Variants in SIPA1L1 observed in about 807,000 individuals in gnomAD.
SIPA1L1 encodes signal induced proliferation associated 1 like 1.
Under a neutral mutation model 162.7 loss-of-function variants are expected in SIPA1L1, and 26 were observed. The observed-to-expected ratio is 0.16, with a 90% confidence interval of 0.12 to 0.22. The LOEUF (loss-of-function observed/expected upper bound fraction) is 0.22, where lower values mean the gene tolerates loss of function less well. SIPA1L1 is among the 10% of genes least tolerant of loss of function. The probability of loss-of-function intolerance (pLI) is 1.00; values close to 1 mark genes in which losing one functional copy is unlikely to be tolerated. For synonymous variants in SIPA1L1, 829 were observed against 837.4 expected (o/e 0.99, Z 0.17); for missense variants, 1,874 against 2,241.0 (o/e 0.84, Z 3.31).
At chr14:71,415,142 A>G (rs1057470690) in intron 2 of SIPA1L1, among the ~76,000 whole-genome samples, 1 of 152,202 alleles carries the variant, frequency 6.6e-6, no homozygotes, top group Admixed American at 6.5e-5. Flanking sequence ...TGGTCAAGTT[A>G]TCTGACCATC....
intron 7 of SIPA1L1, among the ~76,000 whole-genome samples, chr14:71,636,031 T>A (rs1347293506): frequency 6.6e-6 from 1 of 151,502 alleles, no homozygotes; most frequent in Non-Finnish European, 1.5e-5. Flanking sequence ...TAGGTATATG[T>A]GCATCAAACA....
chr14:71,544,020 T>TACGCACATGTATGTATATACACACGC (rs1567179754), intron 4 of SIPA1L1, among the ~76,000 whole-genome samples: 107 of 145,052 alleles, frequency 7.4e-4, no homozygotes, highest in African/African-American at 2.6e-3. Flanking sequence ...TATATACACA[T>TACGCACATGTATGTATATACACACGC]ACGCACATGT....
intron 2 of SIPA1L1, among the ~76,000 whole-genome samples, chr14:71,491,519 G>GTTT (rs961990061): frequency 6.7e-4 from 91 of 135,584 alleles, no homozygotes; most frequent in Non-Finnish European, 1.3e-3. Flanking sequence ...GGAGCAACCT[G>GTTT]TTTGTTGTTG....
chr14:71,370,208 G>C (rs899801134), intron 2 of SIPA1L1, among the ~76,000 whole-genome samples: 2 of 149,290 alleles, frequency 1.3e-5, no homozygotes, highest in South Asian at 2.2e-4. Flanking sequence ...TGTTGAATAG[G>C]AGTGGTGAGA....
chr14:71,601,002 A>C (rs78002345), intron 5 of SIPA1L1, among the ~76,000 whole-genome samples: 3 of 152,028 alleles, frequency 2.0e-5, no homozygotes, highest in African/African-American at 4.8e-5. Flanking sequence ...TTTTTGGTGC[A>C]GACTTAAGTT....
chr14:71,587,853 A>G lies in SIPA1L1; in HGVS notation c.-20A>G. The G allele has an allele frequency of 1.3e-6, 2 of 1,589,298 alleles. No individual in the cohort carries two copies. Among genetic ancestry groups the G allele is most frequent in the African/African-American group, 1.3e-5 (1 of 74,424 alleles). ...TGATGGTCCTTGCTGCAGGGATTTA[A>G]GTCTACTTGCTTTTACATCATGACC... On this transcript the variant is annotated 5_prime_UTR_variant, in exon 5 of 24. It removes the in-frame stop codon of an upstream open reading frame in the 5' UTR. Transcript: ENST00000381232.
At chr14:71,323,641 T>C (rs569793389) in intron 2 of SIPA1L1, among the ~76,000 whole-genome samples, 42 of 152,288 alleles carry the variant, frequency 2.8e-4, no homozygotes, top group East Asian at 1.3e-3. Flanking sequence ...CTTTTTTTTT[T>C]CCCCTTTGGA....
At chr14:71,683,228 A>G (rs1199721545) in intron 12 of SIPA1L1, among the ~76,000 whole-genome samples, 1 of 152,236 alleles carries the variant, frequency 6.6e-6, no homozygotes, top group Non-Finnish European at 1.5e-5. Flanking sequence ...AAGAGGTAGT[A>G]GTGAAAGCAA....
chr14:71,660,643 C>T (rs1338740342), intron 9 of SIPA1L1, among the ~76,000 whole-genome samples: 1 of 152,080 alleles, frequency 6.6e-6, no homozygotes, highest in Non-Finnish European at 1.5e-5. Flanking sequence ...TTTTCCTTTA[C>T]ACTATTGAAT....
intron 2 of SIPA1L1, among the ~76,000 whole-genome samples, chr14:71,458,252 A>G (rs190064664): frequency 8.5e-4 from 129 of 152,308 alleles, no homozygotes; most frequent in Non-Finnish European, 1.6e-3. Context: ...TTTAAGAGAC[A>G]TATTACTTCA....
chr14:71,671,045 A>G, intron 10 of SIPA1L1, 74 bp from the exon 11 acceptor site: 1 of 1,232,924 alleles, frequency 8.1e-7, no homozygotes, highest in Non-Finnish European at 1.1e-6. Flanking sequence ...TTTGTCTTTG[A>G]GAAAGTATAT....
At chr14:71,652,626 T>C (rs927338586) in intron 8 of SIPA1L1, among the ~76,000 whole-genome samples, 1 of 132,908 alleles carries the variant, frequency 7.5e-6, no homozygotes, top group Non-Finnish European at 1.6e-5. Context: ...AGGCCCTGGT[T>C]CTTTTTTTTT....
intron 4 of SIPA1L1, among the ~76,000 whole-genome samples, chr14:71,569,454 C>A (rs189082108): frequency 6.6e-6 from 1 of 152,262 alleles, no homozygotes; most frequent in Non-Finnish European, 1.5e-5. Context: ...TTATTTGAAA[C>A]CTTTGTTGCT....
chr14:71,525,429 C>T (rs541424869), intron 3 of SIPA1L1, among the ~76,000 whole-genome samples: 200 of 152,184 alleles, frequency 1.3e-3, no homozygotes, highest in Admixed American at 3.6e-3. Flanking sequence ...GTGATCCACC[C>T]GCCTCGGCCT....
intron 7 of SIPA1L1, among the ~76,000 whole-genome samples, chr14:71,638,125 A>G (rs1400742496): frequency 6.6e-6 from 1 of 152,202 alleles, no homozygotes; most frequent in Non-Finnish European, 1.5e-5. Flanking sequence ...AAGTCTACCT[A>G]ACATTTAAAG....
intron 2 of SIPA1L1, among the ~76,000 whole-genome samples, chr14:71,426,482 C>CTTTTT (rs1390512993): frequency 7.8e-6 from 1 of 127,572 alleles, no homozygotes. Context: ...ATTTGAATTT[C>CTTTTT]TTTCTTTTTT....
At chr14:71,495,212 T>C (rs1595758893) in intron 2 of SIPA1L1, among the ~76,000 whole-genome samples, 1 of 152,348 alleles carries the variant, frequency 6.6e-6, no homozygotes, top group Non-Finnish European at 1.5e-5. Context: ...ATTGTTTCTT[T>C]ATGTATCTGA....
chr14:71,413,923 A>G (rs2042582478), intron 2 of SIPA1L1: 1 of 152,232 alleles, frequency 6.6e-6, no homozygotes, highest in African/African-American at 2.4e-5. Flanking sequence ...AACTACTAAT[A>G]AAGTTCATAA....
chr14:71,517,391 A>G (rs2051849827), intron 3 of SIPA1L1, among the ~76,000 whole-genome samples: 1 of 152,196 alleles, frequency 6.6e-6, no homozygotes, highest in South Asian at 2.1e-4. Flanking sequence ...CACTTGATGC[A>G]TTTAACATCA....
Sources: allele counts gnomAD v4.1 joint callset (sites outside exome capture counted in the v4.1 genomes callset), GRCh38; gene constraint gnomAD v4.1.1; transcripts MANE v1.5; gene names NCBI Gene and HGNC (gene_info 2026-07-23, HGNC 2026-07-21).